Variants in CEACAM7 observed in about 807,000 individuals in gnomAD.
CEACAM7 encodes cell adhesion molecule CEACAM7.
In CEACAM7, 24 loss-of-function variants were observed where a neutral mutation model predicts 25.7. The ratio of observed to expected loss-of-function variants is 0.93; its 90% CI spans 0.68 to 1.31. CEACAM7 has a LOEUF of 1.31. Among genes scored for constraint, CEACAM7 ranks in the 40% most tolerant of loss-of-function variants. The pLI, the probability that CEACAM7 is intolerant of heterozygous loss-of-function variation, is 0.00. For synonymous variants in CEACAM7, 144 were observed against 129.4 expected, an observed-to-expected ratio of 1.11 and a Z score of -0.77; for missense variants, 324 against 330.1, an observed-to-expected ratio of 0.98 and a Z score of 0.14.
At chr19:41,678,470 A>G (rs141950062) in intron 3 of CEACAM7, among the ~76,000 whole-genome samples, 15 of 152,114 alleles carry the variant, frequency 9.9e-5, no homozygotes, top group Non-Finnish European at 1.6e-4. Context: ...ATTTCTCATC[A>G]GTCATCAGTC....
At chr19:41,677,169 G>A (rs540328234) in intron 4 of CEACAM7, among the ~76,000 whole-genome samples, 3 of 152,328 alleles carry the variant, frequency 2.0e-5, no homozygotes, top group Admixed American at 1.3e-4. Flanking sequence ...GAGGCTGGGA[G>A]TAGTCATGTC....
intron 4 of CEACAM7, among the ~76,000 whole-genome samples, chr19:41,675,947 T>C (rs959390921): frequency 6.6e-6 from 1 of 152,240 alleles, no homozygotes; most frequent in South Asian, 2.1e-4. Flanking sequence ...ATTTAACATA[T>C]CAATTAAGGT....
intron 2 of CEACAM7, 56 bp from the exon 3 acceptor site, chr19:41,684,119 G>T (rs976606267): frequency 6.3e-7 from 1 of 1,579,498 alleles, no homozygotes; most frequent in Non-Finnish European, 8.6e-7. Flanking sequence ...GTTCCCCCAC[G>T]GACATCTTTC....
In CEACAM7 at chr19:41,674,894, TAG is replaced by T. The variant is rs556164041; in HGVS notation, c.*37-157_*37-156del. On this transcript the variant is annotated intron_variant, in intron 4 of 4. Transcript: ENST00000401731. ...AAGACTAATCTGTTTACAAAATAGGTAGAGTCTCATCAAACTTGGTCTGATTC... is the reference window on the plus strand; with the variant it reads ...AAGACTAATCTGTTTACAAAATAGGTAGTCTCATCAAACTTGGTCTGATTC... 5.2e-5 allele frequency: 8 copies of T among 152,534 alleles called. No individual in the cohort carries two copies. In the East Asian group the frequency reaches 1.5e-3, roughly 29 times the overall value. 9.4% of individuals were successfully genotyped at this position (152,534 alleles called of 1,614,324 possible).
chr19:41,687,955 C>G, intron 1 of CEACAM7, 147 bp downstream of exon 1: 1 of 506,816 alleles, frequency 2.0e-6, no homozygotes. Context: ...TTTTCCTGTT[C>G]TGGTTTCCTG....
intron 1 of CEACAM7, 74 bp from the exon 2 acceptor site, chr19:41,687,295 G>A (rs1369679393): frequency 2.0e-6 from 3 of 1,480,594 alleles, no homozygotes; most frequent in Admixed American, 4.5e-5. Flanking sequence ...CCTGGATCCT[G>A]AGCAGGTCTC....
chr19:41,674,570 T>C lies in CEACAM7; in HGVS notation c.*206A>G. 3.9e-6 allele frequency: 1 copy of C among 257,246 alleles called. No homozygotes were observed. The highest frequency in any genetic ancestry group is 4.2e-5 in the South Asian group (1 of 23,574). The allele number at this position is 257,246 out of a possible 1,614,324, so 15.9% of individuals were successfully genotyped here. On this transcript the variant is annotated 3_prime_UTR_variant, in exon 5 of 5. Coordinates refer to ENST00000401731, the MANE Select transcript of CEACAM7 (RefSeq NM_001291485.2). The stretch of plus-strand genomic sequence containing the variant: ...GTGTCTCTAGTTATGGTGTTGAACA[T>C]TTTGGTTAGCTCTGAGTGGCCCACA...
At chr19:41,683,683 AG>A in intron 3 of CEACAM7, 101 bp downstream of exon 3, 1 of 1,506,192 alleles carries the variant, frequency 6.6e-7, no homozygotes, top group Non-Finnish European at 9.1e-7. Flanking sequence ...CCTAGAGGTG[AG>A]GGTCTGTGTA....
chr19:41,686,898 G>T lies in CEACAM7; in HGVS notation c.388C>A (p.Leu130Ile). 1.3e-6 allele frequency: 2 copies of T among 1,535,884 alleles called. No homozygotes were observed. The highest frequency in any genetic ancestry group is 1.7e-6 in the Non-Finnish European group (2 of 1,145,020). The change falls in exon 2 of 5, where the codon CTT becomes ATT. Residue 130 changes from leucine to isoleucine, a missense_variant. Transcript: ENST00000401731. ...TGTCTGGTTACTTCTTCATTCACAA[G>T]ATTTTCTTTTATAACGTGTAGGGTA... ...IYTLHVIKEN[L>I]VNEEVTRQFY...
At chr19:41,684,103 C>CT (rs2072204191) in intron 2 of CEACAM7, 40 bp from the exon 3 acceptor site, 8 of 1,591,620 alleles carry the variant, frequency 5.0e-6, no homozygotes, top group Non-Finnish European at 6.0e-6. Context: ...CCTGTGTGGC[C>CT]CCTTGGTTCC....
chr19:41,678,281 T>C (rs1158970767), intron 3 of CEACAM7, among the ~76,000 whole-genome samples: 1 of 151,868 alleles, frequency 6.6e-6, no homozygotes, highest in African/African-American at 2.4e-5. Context: ...CATGTCCCAG[T>C]GGACTTTTTG....
Position 41,680,883 on chromosome 19 carries a change from C to A in CEACAM7, c.706+2902G>T, listed in dbSNP as rs139497008. Among the ~76,000 whole-genome samples, 20 of 151,396 alleles carry A rather than the reference C, an allele frequency of 1.3e-4. No homozygotes were observed. In the East Asian group the frequency reaches 3.9e-3, roughly 29 times the overall value. On this transcript the variant is annotated intron_variant, in intron 3 of 4. Transcript: ENST00000401731. ...TCACAATGATTTCTTGGCTATGACA[C>A]CCAAAGCACAGGCAACAAAAAAAAA...
intron 2 of CEACAM7, among the ~76,000 whole-genome samples, chr19:41,686,648 C>T (rs1293724644): frequency 6.6e-6 from 1 of 152,226 alleles, no homozygotes; most frequent in African/African-American, 2.4e-5. Context: ...TGTCCTTCCT[C>T]TGCAGCAAGT....
At chr19:41,674,945 A>C (rs150438574) in intron 4 of CEACAM7, among the ~76,000 whole-genome samples, 1 of 152,346 alleles carries the variant, frequency 6.6e-6, no homozygotes, top group East Asian at 1.9e-4. Context: ...TATAGCAAGA[A>C]TAGCGATTGA....
intron 3 of CEACAM7, among the ~76,000 whole-genome samples, chr19:41,678,670 G>A (rs573392742): frequency 3.9e-5 from 6 of 152,228 alleles, no homozygotes; most frequent in South Asian, 2.1e-4. Flanking sequence ...AGTGACAGGC[G>A]GATCTAGGAT....
At chr19:41,676,228 A>G (rs569920432) in intron 4 of CEACAM7, among the ~76,000 whole-genome samples, 1 of 152,374 alleles carries the variant, frequency 6.6e-6, no homozygotes, top group South Asian at 2.1e-4. Flanking sequence ...ATCAAAATGT[A>G]TGAGCAGAGC....
At chr19:41,678,784 T>G (rs2072142738) in intron 3 of CEACAM7, among the ~76,000 whole-genome samples, 1 of 152,220 alleles carries the variant, frequency 6.6e-6, no homozygotes, top group African/African-American at 2.4e-5. Flanking sequence ...TTGCTGAATG[T>G]TTCATTGATT....
At chr19:41,683,272 G>T (rs2072193220) in intron 3 of CEACAM7, among the ~76,000 whole-genome samples, 2 of 152,202 alleles carry the variant, frequency 1.3e-5, no homozygotes, top group African/African-American at 4.8e-5. Context: ...GTTGCAGAAG[G>T]TTTCCATTAC....
In CEACAM7 at chr19:41,673,801, C is replaced by G. The variant is rs1490937091; in HGVS notation, c.*975G>C. ...TACATTTATTTGAGTTTTTGTCATTCCAGCCAAAGAGAGAATATTTGACAT... is the reference window on the plus strand; with the variant it reads ...TACATTTATTTGAGTTTTTGTCATTGCAGCCAAAGAGAGAATATTTGACAT... On this transcript the variant is annotated 3_prime_UTR_variant, in exon 5 of 5. Transcript: ENST00000401731. 6.6e-6 allele frequency: 1 copy of G among 152,144 alleles called. No individual in the cohort carries two copies. Among genetic ancestry groups the G allele is most frequent in the African/African-American group, 2.4e-5 (1 of 41,412 alleles). 9.4% of individuals were successfully genotyped at this position (152,144 alleles called of 1,614,324 possible).
Sources: gnomAD v4.1 joint callset for allele counts (sites outside exome capture counted in the v4.1 genomes callset) on GRCh38, gnomAD v4.1.1 for gene constraint, MANE v1.5 for transcripts, NCBI Gene and HGNC (gene_info 2026-07-23, HGNC 2026-07-21) for gene names.